HMGCLL1: variants seen among roughly 807,000 people sequenced by gnomAD.
The protein encoded by HMGCLL1 is 3-hydroxy-3-methylglutaryl-CoA lyase like 1.
A neutral mutation model predicts 39.1 loss-of-function variants in HMGCLL1; 36 were observed. The observed-to-expected ratio is 0.92, with a 90% CI of 0.71 to 1.22. The LOEUF is 1.22. Ranked by LOEUF, HMGCLL1 falls within the 50% of genes most tolerant of loss-of-function variation. The pLI is 0.00. For missense variants in HMGCLL1, 451 were observed against 416.5 expected (o/e 1.08, Z -0.72); for synonymous variants, 149 against 144.0 (o/e 1.03, Z -0.25).
At chr6:55,436,768 A>G (rs1344066915) in intron 8 of HMGCLL1, among the ~76,000 whole-genome samples, 2 of 152,060 alleles carry the variant, frequency 1.3e-5, no homozygotes, top group East Asian at 3.9e-4. Context: ...GAAATTGGAG[A>G]CATTTCGATA....
chr6:55,442,286 G>A (rs542644900), intron 7 of HMGCLL1, among the ~76,000 whole-genome samples: 2 of 152,158 alleles, frequency 1.3e-5, no homozygotes, highest in East Asian at 1.9e-4. Context: ...TCTTCTGTAT[G>A]GAAAATTTGT....
chr6:55,568,237 T>G (rs1256164686), intron 1 of HMGCLL1, among the ~76,000 whole-genome samples: 2 of 152,132 alleles, frequency 1.3e-5, no homozygotes, highest in Non-Finnish European at 2.9e-5. Flanking sequence ...AGGACTAAAT[T>G]CTGATCACTT....
chr6:55,656,957 T>C, the HMGCLL1 span, among the ~76,000 whole-genome samples: 26 of 151,978 alleles, frequency 1.7e-4, no homozygotes, highest in Non-Finnish European at 3.1e-4. Flanking sequence ...AGATTCTGAA[T>C]ATATTTTGAA....
chr6:55,640,426 T>C, the HMGCLL1 span, among the ~76,000 whole-genome samples: 3 of 151,948 alleles, frequency 2.0e-5, no homozygotes, highest in Non-Finnish European at 4.4e-5. Flanking sequence ...AAAGAAGACA[T>C]AGAGGAGTAC....
At chr6:55,437,158 T>C (rs538678078) in intron 8 of HMGCLL1, among the ~76,000 whole-genome samples, 1 of 151,714 alleles carries the variant, frequency 6.6e-6, no homozygotes, top group Non-Finnish European at 1.5e-5. Flanking sequence ...TTCTCTACCA[T>C]TTTATTTAAC....
intron 7 of HMGCLL1, among the ~76,000 whole-genome samples, chr6:55,472,327 G>T (rs1325355422): frequency 6.6e-6 from 1 of 151,492 alleles, no homozygotes; most frequent in Non-Finnish European, 1.5e-5. Context: ...GTGGCTGTGT[G>T]GTGGTATTTC....
chr6:55,614,939 G>A, the HMGCLL1 span, among the ~76,000 whole-genome samples: 1 of 151,966 alleles, frequency 6.6e-6, no homozygotes, highest in Non-Finnish European at 1.5e-5. Flanking sequence ...CCAAGAGTTT[G>A]AAAGCAGCGT....
intron 3 of HMGCLL1, among the ~76,000 whole-genome samples, chr6:55,540,904 G>A (rs1251328621): frequency 2.0e-5 from 3 of 152,052 alleles, no homozygotes; most frequent in Non-Finnish European, 4.4e-5. Flanking sequence ...GAATCTTAGG[G>A]GAACCTTAAA....
the HMGCLL1 span, among the ~76,000 whole-genome samples, chr6:55,656,961 T>C: frequency 1.3e-5 from 2 of 151,988 alleles, no homozygotes; most frequent in Non-Finnish European, 2.9e-5. Flanking sequence ...TCTGAATATA[T>C]TTTGAAAGAA....
intron 1 of HMGCLL1, among the ~76,000 whole-genome samples, chr6:55,558,351 A>T (rs73451196): frequency 0.026 from 3,953 of 152,264 alleles, 167 homozygotes; most frequent in African/African-American, 0.091. Context: ...GTGGTTATAC[A>T]TCTCTGTTTG....
At chr6:55,677,281 C>G in the HMGCLL1 span, among the ~76,000 whole-genome samples, 1 of 152,026 alleles carries the variant, frequency 6.6e-6, no homozygotes. Context: ...TCCCACTACT[C>G]GGGAAGCTGA....
At chr6:55,579,803 T>G (rs1771939822), upstream of HMGCLL1, among the ~76,000 whole-genome samples, 1 of 152,180 alleles carries the variant, frequency 6.6e-6, no homozygotes, top group African/African-American at 2.4e-5. Context: ...GGACTAGATT[T>G]ATCCAAACGG....
chr6:55,508,016 C>T (rs929301957), intron 5 of HMGCLL1, among the ~76,000 whole-genome samples: 4 of 151,604 alleles, frequency 2.6e-5, no homozygotes, highest in Non-Finnish European at 5.9e-5. Flanking sequence ...TTTCAGAGCA[C>T]TGGCCACATG....
intron 7 of HMGCLL1, among the ~76,000 whole-genome samples, chr6:55,454,789 C>G (rs879811390): frequency 6.6e-6 from 1 of 152,174 alleles, no homozygotes; most frequent in South Asian, 2.1e-4. Flanking sequence ...ATAGGAGGAA[C>G]TTGAAATCTG....
intron 1 of HMGCLL1, among the ~76,000 whole-genome samples, chr6:55,544,533 G>T (rs1156426769): frequency 6.6e-6 from 1 of 152,110 alleles, no homozygotes; most frequent in Admixed American, 6.6e-5. Flanking sequence ...CAGGAATGAT[G>T]AATTCAAGCC....
chr6:55,452,451 A>G (rs1194414824), intron 7 of HMGCLL1, among the ~76,000 whole-genome samples: 1 of 152,230 alleles, frequency 6.6e-6, no homozygotes, highest in Non-Finnish European at 1.5e-5. Flanking sequence ...GAAGTGAAGC[A>G]TAGGTGAATC....
At chr6:55,593,874 C>A in the HMGCLL1 span, among the ~76,000 whole-genome samples, 1 of 152,088 alleles carries the variant, frequency 6.6e-6, no homozygotes, top group Admixed American at 6.6e-5. Context: ...ATCAGAACCA[C>A]GGAGAGGTAA....
intron 7 of HMGCLL1, among the ~76,000 whole-genome samples, chr6:55,476,309 CAT>C (rs1765283536): frequency 6.6e-6 from 1 of 151,470 alleles, no homozygotes; most frequent in Non-Finnish European, 1.5e-5. Context: ...TATGCCTTAC[CAT>C]ATTTTAATAA....
At chr6:55,439,778 T>C (rs921998349) in intron 7 of HMGCLL1, 30 of 408,530 alleles carry the variant, frequency 7.3e-5, no homozygotes, top group African/African-American at 6.1e-4. Context: ...TAAGGCTCTC[T>C]GGAGCTAGAA....
Sources: allele counts gnomAD v4.1 joint callset (sites outside exome capture counted in the v4.1 genomes callset), GRCh38; gene constraint gnomAD v4.1.1; transcripts MANE v1.5; gene names NCBI Gene and HGNC (gene_info 2026-07-23, HGNC 2026-07-21).